Variants in PTPRO observed in about 807,000 individuals in gnomAD.
PTPRO encodes the protein receptor-type tyrosine-protein phosphatase O.
Under a neutral mutation model 145.2 loss-of-function variants are expected in PTPRO, and 62 were observed. The observed-to-expected ratio is 0.43, with a 90% CI of 0.35 to 0.53. The LOEUF is 0.53. PTPRO is among the 20% of genes least tolerant of loss of function. The probability of loss-of-function intolerance (pLI) is 0.01; values close to 1 mark genes in which losing one functional copy is unlikely to be tolerated. For missense variants in PTPRO, 1,345 were observed against 1,482.7 expected (o/e 0.91, Z 1.53); for synonymous variants, 565 against 514.7 (o/e 1.10, Z -1.32).
rs562086823 is a variant in PTPRO at position 15,554,361 on chromosome 12, T to C, written c.2558+2690T>C. On this transcript the variant is annotated intron_variant, in intron 15 of 26. Coordinates refer to ENST00000281171, the MANE Select transcript of PTPRO (RefSeq NM_030667.3). ...CTAGAGGGTCAAAACTAATAGTACATAGTAGTATATATATATCCTATTAGA... is the reference window on the plus strand; with the variant it reads ...CTAGAGGGTCAAAACTAATAGTACACAGTAGTATATATATATCCTATTAGA... Among the ~76,000 whole-genome samples, 4 of 151,928 alleles carry C rather than the reference T, an allele frequency of 2.6e-5. No individual in the cohort carries two copies. In the East Asian group the frequency reaches 5.8e-4, roughly 22 times the overall value.
At chr12:15,572,426 A>G (rs1212778980) in intron 19 of PTPRO, among the ~76,000 whole-genome samples, 1 of 152,270 alleles carries the variant, frequency 6.6e-6, no homozygotes, top group Non-Finnish European at 1.5e-5. Context: ...TTGATAATGT[A>G]ATATTACAAA....
intron 1 of PTPRO, among the ~76,000 whole-genome samples, chr12:15,352,661 A>G (rs984815215): frequency 1.1e-5 from 1 of 95,108 alleles, no homozygotes; most frequent in African/African-American, 3.0e-5. Flanking sequence ...AAAAAAAAAA[A>G]AAAAAAAGAA....
intron 1 of PTPRO, among the ~76,000 whole-genome samples, chr12:15,404,322 G>C (rs1272280076): frequency 6.6e-6 from 1 of 151,614 alleles, no homozygotes; most frequent in Non-Finnish European, 1.5e-5. Context: ...TAATTTTTAT[G>C]AGAGGAAAAT....
intron 1 of PTPRO, among the ~76,000 whole-genome samples, chr12:15,330,015 C>T (rs577137820): frequency 1.3e-5 from 2 of 152,244 alleles, no homozygotes; most frequent in African/African-American, 4.8e-5. Flanking sequence ...GCAATGAAGC[C>T]ACAGGAGCCA....
intron 1 of PTPRO, among the ~76,000 whole-genome samples, chr12:15,437,005 A>G (rs1052868462): frequency 2.0e-5 from 3 of 151,910 alleles, no homozygotes; most frequent in African/African-American, 7.3e-5. Context: ...TCGTGGTGCA[A>G]CAGAGCCCTC....
intron 12 of PTPRO, among the ~76,000 whole-genome samples, chr12:15,545,603 A>G (rs1943268391): frequency 6.6e-6 from 1 of 151,976 alleles, no homozygotes; most frequent in South Asian, 2.1e-4. Context: ...TACTAGAAAT[A>G]AGTATGAAAA....
At chr12:15,395,635 A>C (rs1939316136) in intron 1 of PTPRO, among the ~76,000 whole-genome samples, 1 of 152,088 alleles carries the variant, frequency 6.6e-6, no homozygotes, top group South Asian at 2.1e-4. Flanking sequence ...TAATGTAGTA[A>C]ATTTTGCAAA....
At chr12:15,356,926 G>T (rs546605151) in intron 1 of PTPRO, among the ~76,000 whole-genome samples, 1 of 152,066 alleles carries the variant, frequency 6.6e-6, no homozygotes, top group Non-Finnish European at 1.5e-5. Context: ...AAGGGGTCAC[G>T]GTCAATGCTG....
Position 15,572,960 on chromosome 12 carries a change from T to G in PTPRO, c.2829+3462T>G, listed in dbSNP as rs149981193. ...GGGACATTCCCGCACAATAGAGAAT[T>G]GTCCTAGGCCGAAAGTGTTTGATTG... On this transcript the variant is annotated intron_variant, in intron 19 of 26. Coordinates refer to ENST00000281171, the MANE Select transcript of PTPRO (RefSeq NM_030667.3). Among the ~76,000 whole-genome samples, 142 of 152,318 alleles carry G rather than the reference T, an allele frequency of 9.3e-4. 1 individual carries two copies. The highest frequency in any genetic ancestry group is 3.2e-3 in the African/African-American group (133 of 41,578).
chr12:15,407,865 C>T (rs2136308269), intron 1 of PTPRO, among the ~76,000 whole-genome samples: 1 of 152,212 alleles, frequency 6.6e-6, no homozygotes, highest in African/African-American at 2.4e-5. Context: ...TTCACTTTAC[C>T]TTCCTAGCAA....
At chr12:15,488,768 C>T (rs1941941789) in intron 2 of PTPRO, among the ~76,000 whole-genome samples, 1 of 152,182 alleles carries the variant, frequency 6.6e-6, no homozygotes, top group Non-Finnish European at 1.5e-5. Flanking sequence ...ACAGCAGAGT[C>T]ATTTGGCCAG....
chr12:15,524,995 G>A, intron 11 of PTPRO, 30 bp downstream of exon 11: 3 of 1,611,366 alleles, frequency 1.9e-6, no homozygotes, highest in Non-Finnish European at 2.5e-6. Context: ...AGCATTGTGT[G>A]TCTGTAAATT....
At chr12:15,372,494 A>G (rs1229839637) in intron 1 of PTPRO, among the ~76,000 whole-genome samples, 2 of 152,190 alleles carry the variant, frequency 1.3e-5, no homozygotes, top group African/African-American at 4.8e-5. Context: ...CGAAAATGCA[A>G]TTTGATAGTT....
intron 19 of PTPRO, among the ~76,000 whole-genome samples, chr12:15,573,427 C>A (rs1306553865): frequency 1.3e-5 from 2 of 152,194 alleles, no homozygotes; most frequent in Non-Finnish European, 2.9e-5. Context: ...CAACTGGACA[C>A]TATAGCCTAG....
intron 1 of PTPRO, among the ~76,000 whole-genome samples, chr12:15,473,768 C>CAAAA (rs11340085): frequency 3.4e-4 from 22 of 65,560 alleles, no homozygotes; most frequent in East Asian, 1.5e-3. Flanking sequence ...GACTCCATCT[C>CAAAA]AAAAAAAAAA....
At chr12:15,330,031 G>A (rs1430239525) in intron 1 of PTPRO, among the ~76,000 whole-genome samples, 1 of 152,210 alleles carries the variant, frequency 6.6e-6, no homozygotes, top group African/African-American at 2.4e-5. Flanking sequence ...AGCCAGATCA[G>A]GGAGACTTCT....
At chr12:15,548,064 C>A (rs1294662062) in intron 13 of PTPRO, among the ~76,000 whole-genome samples, 4 of 152,008 alleles carry the variant, frequency 2.6e-5, no homozygotes, top group East Asian at 1.9e-4. Flanking sequence ...AGAATGCAGA[C>A]AAAGGTGTAG....
chr12:15,390,824 T>C (rs11056456), intron 1 of PTPRO, among the ~76,000 whole-genome samples: 27,760 of 152,160 alleles, frequency 0.18, 2,661 homozygotes, highest in South Asian at 0.22. Flanking sequence ...CAGGCTACTA[T>C]AACAAAATGC....
intron 1 of PTPRO, among the ~76,000 whole-genome samples, chr12:15,427,394 A>G (rs755751199): frequency 2.6e-5 from 4 of 151,970 alleles, no homozygotes; most frequent in Admixed American, 2.6e-4. Context: ...TAAAATTTCT[A>G]ATTGTATCTT....
Sources: allele counts gnomAD v4.1 joint callset (sites outside exome capture counted in the v4.1 genomes callset), GRCh38; gene constraint gnomAD v4.1.1; transcripts MANE v1.5; gene names NCBI Gene and HGNC (gene_info 2026-07-23, HGNC 2026-07-21).